Variants in PTPRD observed in about 807,000 individuals in gnomAD.
PTPRD encodes the protein receptor-type tyrosine-protein phosphatase delta.
PTPRD carries 34 observed loss-of-function variants against 214.5 expected under a neutral mutation model. The observed-to-expected ratio is 0.16, with a 90% CI of 0.12 to 0.21. The LOEUF is 0.21. Among genes scored for constraint, PTPRD ranks in the 10% least tolerant of loss-of-function variants. The probability of loss-of-function intolerance (pLI) is 1.00; values close to 1 mark genes in which losing one functional copy is unlikely to be tolerated. For synonymous variants in PTPRD, 1,128 were observed against 845.7 expected, an observed-to-expected ratio of 1.33 and a Z score of -5.79; for missense variants, 2,545 against 2,398.7, an observed-to-expected ratio of 1.06 and a Z score of -1.27.
intron 11 of PTPRD, among the ~76,000 whole-genome samples, chr9:8,739,733 C>T (rs547321590): frequency 3.3e-5 from 5 of 152,288 alleles, no homozygotes; most frequent in African/African-American, 1.2e-4. Flanking sequence ...GACTGTGTCC[C>T]CACCCAAATC....
intron 11 of PTPRD, among the ~76,000 whole-genome samples, chr9:8,757,368 C>T (rs1010992621): frequency 2.0e-5 from 3 of 151,830 alleles, no homozygotes; most frequent in Non-Finnish European, 2.9e-5. Flanking sequence ...GAGTAAAAAG[C>T]GTATCAATAA....
chr9:8,725,224 A>G (rs2154425741), intron 12 of PTPRD, among the ~76,000 whole-genome samples: 1 of 152,338 alleles, frequency 6.6e-6, no homozygotes, highest in Middle Eastern at 3.4e-3. Flanking sequence ...CAGATGAGCC[A>G]CTTGGCTGCT....
At position 8,823,681 on chromosome 9, in the gene PTPRD, G is replaced by A. The variant is rs62530578; in HGVS notation, c.-103-89735C>T. Among the ~76,000 whole-genome samples, 6 of 43,558 alleles carry A rather than the reference G, an allele frequency of 1.4e-4. No individual in the cohort carries two copies. In the South Asian group the frequency reaches 2.6e-3, roughly 19 times the overall value. The allele number at this position is 43,558 out of a possible 152,430, so 28.6% of individuals were successfully genotyped here. A position where few individuals can be genotyped will look rare whatever the true frequency, so the allele number is the denominator to read the frequency against. On this transcript the variant is annotated intron_variant, in intron 11 of 45. Transcript: ENST00000381196. ...AAGGGAAGGGAAAGGGAAAAGGAAA[G>A]GGAAAGGAAAGGGAAAGGAAAGGAA...
intron 2 of PTPRD, among the ~76,000 whole-genome samples, chr9:10,598,113 G>A (rs1591715737): frequency 6.6e-6 from 1 of 151,440 alleles, no homozygotes; most frequent in Non-Finnish European, 1.5e-5. Context: ...CACAGATTGA[G>A]GTCCAGTTTT....
chr9:8,667,902 A>G (rs1329886244), intron 12 of PTPRD, among the ~76,000 whole-genome samples: 2 of 152,188 alleles, frequency 1.3e-5, no homozygotes, highest in Non-Finnish European at 2.9e-5. Context: ...TTAAGAAAAT[A>G]GGGAGTCTCT....
chr9:8,487,907 T>C (rs2097064357), intron 27 of PTPRD, among the ~76,000 whole-genome samples: 1 of 151,058 alleles, frequency 6.6e-6, no homozygotes, highest in African/African-American at 2.4e-5. Context: ...CACATGTCTG[T>C]AGTCTTAGCC....
intron 12 of PTPRD, among the ~76,000 whole-genome samples, chr9:8,693,367 T>C (rs1024611425): frequency 6.6e-6 from 1 of 152,198 alleles, no homozygotes; most frequent in Non-Finnish European, 1.5e-5. Flanking sequence ...CTTCTCCATG[T>C]TGACGTACGC....
Position 8,316,182 on chromosome 9 carries a change from C to G in PTPRD, c.*1692G>C. 8.7e-6 allele frequency: 2 copies of G among 229,542 alleles called. No individual in the cohort carries two copies. Among genetic ancestry groups the G allele is most frequent in the Non-Finnish European group, 1.7e-5 (2 of 115,522 alleles). The allele number at this position is 229,542 out of a possible 1,614,324, so 14.2% of individuals were successfully genotyped here. The stretch of plus-strand genomic sequence containing the variant: ...TTGGGCTGGTACAATCACTAACATC[C>G]CCGACTTGGCTGAAAACTAGGAATG... On this transcript the variant is annotated 3_prime_UTR_variant, in exon 46 of 46. Transcript: ENST00000381196.
chr9:10,001,172 C>G (rs879355546), intron 4 of PTPRD, among the ~76,000 whole-genome samples: 15 of 152,020 alleles, frequency 9.9e-5, no homozygotes, highest in Non-Finnish European at 2.1e-4. Context: ...ACCAATGACC[C>G]TGGTGTTCCT....
chr9:10,358,292 TTAATCATGC>T (rs1454381964), intron 2 of PTPRD, among the ~76,000 whole-genome samples: 1 of 152,022 alleles, frequency 6.6e-6, no homozygotes, highest in East Asian at 1.9e-4. Flanking sequence ...CTAAGCATCT[TTAATCATGC>T]TAATTAGCAT....
intron 11 of PTPRD, among the ~76,000 whole-genome samples, chr9:8,774,822 C>A (rs2154488630): frequency 6.6e-6 from 1 of 152,232 alleles, no homozygotes; most frequent in Admixed American, 6.5e-5. Context: ...GCATGAGCCA[C>A]TGCGCCCAGC....
intron 11 of PTPRD, among the ~76,000 whole-genome samples, chr9:9,014,674 C>G (rs985578135): frequency 1.3e-5 from 2 of 152,064 alleles, no homozygotes; most frequent in African/African-American, 2.4e-5. Flanking sequence ...ACATGGGAGA[C>G]AATCTGAGGA....
chr9:8,948,951 T>G (rs1353911640), intron 11 of PTPRD, among the ~76,000 whole-genome samples: 5 of 151,854 alleles, frequency 3.3e-5, no homozygotes, highest in African/African-American at 1.2e-4. Context: ...TTGTTTCTAT[T>G]GGCCAGGTGT....
At chr9:10,024,717 TG>T (rs1200332248) in intron 4 of PTPRD, among the ~76,000 whole-genome samples, 1 of 150,884 alleles carries the variant, frequency 6.6e-6, no homozygotes, top group Non-Finnish European at 1.5e-5. Flanking sequence ...GCCATGTTGG[TG>T]TGCTGCACCC....
chr9:8,700,315 A>T (rs1400137912), intron 12 of PTPRD, among the ~76,000 whole-genome samples: 4 of 152,262 alleles, frequency 2.6e-5, no homozygotes, highest in Admixed American at 1.3e-4. Context: ...CACTAAGAAG[A>T]GTAGTCAGCA....
chr9:9,319,945 A>G (rs1485099425), intron 9 of PTPRD, among the ~76,000 whole-genome samples: 1 of 152,178 alleles, frequency 6.6e-6, no homozygotes, highest in Non-Finnish European at 1.5e-5. Context: ...GTAAAGTGAA[A>G]TAGTAGTGGC....
chr9:9,571,325 C>CTA (rs1308208303), intron 8 of PTPRD, among the ~76,000 whole-genome samples: 1 of 151,292 alleles, frequency 6.6e-6, no homozygotes, highest in African/African-American at 2.4e-5. Context: ...TCTTCTCTCT[C>CTA]TATATATATC....
At chr9:10,487,473 T>C (rs1220358804) in intron 2 of PTPRD, among the ~76,000 whole-genome samples, 1 of 152,246 alleles carries the variant, frequency 6.6e-6, no homozygotes, top group Non-Finnish European at 1.5e-5. Flanking sequence ...TTATAAGTTT[T>C]TGGTTTGAGT....
chr9:9,038,407 C>T (rs1375667393), intron 10 of PTPRD, among the ~76,000 whole-genome samples: 4 of 152,066 alleles, frequency 2.6e-5, no homozygotes, highest in Non-Finnish European at 4.4e-5. Flanking sequence ...TAAACACCCC[C>T]ACATAGAAAT....
Sources: gnomAD v4.1 joint callset for allele counts (sites outside exome capture counted in the v4.1 genomes callset) on GRCh38, gnomAD v4.1.1 for gene constraint, MANE v1.5 for transcripts, NCBI Gene and HGNC (gene_info 2026-07-23, HGNC 2026-07-21) for gene names.